The following TMEM150C variants were observed in gnomAD, a reference collection of about 807,000 sequenced individuals.
TMEM150C encodes transmembrane protein 150C, also known as tentonin 3.
A neutral mutation model predicts 29.9 loss-of-function variants in TMEM150C; 10 were observed. The ratio of observed to expected loss-of-function variants is 0.33; its 90% CI spans 0.21 to 0.57. The LOEUF is 0.57. Among genes scored for constraint, TMEM150C ranks in the 20% least tolerant of loss-of-function variants. TMEM150C has a pLI of 0.88. For missense variants in TMEM150C, 251 were observed against 303.6 expected (o/e 0.83, Z 1.29); for synonymous variants, 101 against 112.5 (o/e 0.90, Z 0.64).
Position 82,484,899 on chromosome 4 carries a change from G to T in TMEM150C, c.*612C>A, listed in dbSNP as rs1181938900. 1 of 152,734 alleles carries T rather than the reference G, an allele frequency of 6.5e-6. No homozygotes were observed. The highest frequency in any genetic ancestry group is 1.5e-5 in the Non-Finnish European group (1 of 68,536). 9.5% of individuals were successfully genotyped at this position (152,734 alleles called of 1,614,324 possible). On this transcript the variant is annotated 3_prime_UTR_variant, in exon 8 of 8. Coordinates refer to ENST00000449862, the MANE Select transcript of TMEM150C (RefSeq NM_001080506.3). ...AGTCCAGATCACAGCGGCGGGCTTT[G>T]CTCTCACAGTCTGTGGCATATGTCT...
chr4:82,551,223 A>G (rs1725566573), intron 1 of TMEM150C, among the ~76,000 whole-genome samples: 1 of 152,208 alleles, frequency 6.6e-6, no homozygotes, highest in Admixed American at 6.5e-5. Flanking sequence ...CTTAGAAAAC[A>G]TTCTCCAGCA....
intron 1 of TMEM150C, 138 bp from the exon 2 acceptor site, chr4:82,504,805 C>T (rs568605703): frequency 3.8e-5 from 22 of 579,950 alleles, no homozygotes; most frequent in East Asian, 2.1e-4. Context: ...CCGAGGTGGG[C>T]GGATCACGAG....
chr4:82,526,560 G>T (rs1724657725), intron 1 of TMEM150C, among the ~76,000 whole-genome samples: 1 of 152,112 alleles, frequency 6.6e-6, no homozygotes, highest in Non-Finnish European at 1.5e-5. Context: ...AGCTCTGTAA[G>T]GTGGAGACTA....
chr4:82,514,842 T>A lies in TMEM150C; in HGVS notation c.-10-10175A>T, dbSNP rs182002776. 1.8e-4 allele frequency among the ~76,000 whole-genome samples: 28 copies of A among 152,296 alleles called. No homozygotes were observed. In the East Asian group the frequency reaches 4.0e-3, roughly 22 times the overall value. ...TATGCTGCAGATGGCCTGGTTATCA[T>A]GAGCCCCTTCGCCCCTCACTGATAT... is the stretch of plus-strand genomic sequence containing the variant. On this transcript the variant is annotated intron_variant, in intron 1 of 7. Transcript: ENST00000449862.
intron 1 of TMEM150C, among the ~76,000 whole-genome samples, chr4:82,527,013 C>T (rs1171494329): frequency 6.9e-6 from 1 of 143,966 alleles, no homozygotes; most frequent in Non-Finnish European, 1.5e-5. Flanking sequence ...CCAGATCATA[C>T]TGGGTCTTTT....
chr4:82,504,571 T>C lies in TMEM150C; in HGVS notation c.80+7A>G. 6.2e-7 allele frequency: 1 copy of C among 1,607,688 alleles called. No homozygotes were observed. ...ATCCTTAAATAATTAAATGAGCAAA[T>C]ACTCACACTATCCACAATCCAGCTG... On this transcript the variant is annotated splice_region_variant and intron_variant, in intron 2 of 7. Transcript: ENST00000449862.
At chr4:82,528,867 C>T (rs531839432) in intron 1 of TMEM150C, among the ~76,000 whole-genome samples, 11 of 152,152 alleles carry the variant, frequency 7.2e-5, no homozygotes, top group South Asian at 6.2e-4. Flanking sequence ...GTATCCTTGT[C>T]CTCTTTACCT....
At chr4:82,557,363 T>C (rs1179599251) in intron 1 of TMEM150C, among the ~76,000 whole-genome samples, 1 of 152,184 alleles carries the variant, frequency 6.6e-6, no homozygotes, top group Admixed American at 6.5e-5. Context: ...CAGCTGCTCC[T>C]GGAGCCAGGG....
chr4:82,549,539 G>A (rs1725500843), intron 1 of TMEM150C, among the ~76,000 whole-genome samples: 1 of 152,178 alleles, frequency 6.6e-6, no homozygotes, highest in Admixed American at 6.5e-5. Flanking sequence ...GAGATTGGAT[G>A]TACAGCAATG....
At chr4:82,558,850 G>A (rs986567852) in intron 1 of TMEM150C, among the ~76,000 whole-genome samples, 9 of 151,968 alleles carry the variant, frequency 5.9e-5, no homozygotes, top group African/African-American at 1.9e-4. Context: ...TGACCTGCAC[G>A]TATACATCCA....
intron 2 of TMEM150C, among the ~76,000 whole-genome samples, chr4:82,504,350 T>C (rs369906689): frequency 6.6e-6 from 1 of 152,062 alleles, no homozygotes. Context: ...ATTACAGGCG[T>C]GTGCCATCAC....
At chr4:82,556,245 T>C (rs1725733423) in intron 1 of TMEM150C, among the ~76,000 whole-genome samples, 1 of 152,200 alleles carries the variant, frequency 6.6e-6, no homozygotes, top group Admixed American at 6.5e-5. Context: ...CCCAGAGTGT[T>C]GGGATTACAG....
chr4:82,518,492 T>C (rs1724369971), intron 1 of TMEM150C, among the ~76,000 whole-genome samples: 1 of 152,188 alleles, frequency 6.6e-6, no homozygotes, highest in Admixed American at 6.5e-5. Context: ...GCTGTCCCTT[T>C]ACAGCTTTTT....
chr4:82,492,825 C>A (rs1723406176), intron 6 of TMEM150C, among the ~76,000 whole-genome samples: 1 of 129,014 alleles, frequency 7.8e-6, no homozygotes, highest in Non-Finnish European at 1.6e-5. Flanking sequence ...AAAGTCTATC[C>A]ATATCCACAT....
At chr4:82,490,333 A>G (rs1723296640) in intron 6 of TMEM150C, 95 bp from the exon 7 acceptor site, 1 of 1,080,354 alleles carries the variant, frequency 9.3e-7, no homozygotes, top group Non-Finnish European at 1.4e-6. Flanking sequence ...AAGATAGGAA[A>G]AGAAATATCC....
chr4:82,551,249 C>T (rs990260687), intron 1 of TMEM150C, among the ~76,000 whole-genome samples: 1 of 152,134 alleles, frequency 6.6e-6, no homozygotes, highest in Non-Finnish European at 1.5e-5. Flanking sequence ...AAATTCTTTA[C>T]CATGATTTTT....
At chr4:82,514,334 CTGTTCTACCGTGG>C (rs1440143403) in intron 1 of TMEM150C, among the ~76,000 whole-genome samples, 1 of 152,224 alleles carries the variant, frequency 6.6e-6, no homozygotes, top group Admixed American at 6.5e-5. Flanking sequence ...TTTCTGCTCC[CTGTTCTACCGTGG>C]TATATTGAAT....
intron 1 of TMEM150C, among the ~76,000 whole-genome samples, chr4:82,509,946 C>G (rs943217293): frequency 1.3e-5 from 2 of 152,164 alleles, no homozygotes; most frequent in East Asian, 3.9e-4. Flanking sequence ...ATTACCCATG[C>G]TAATCCTTGA....
At chr4:82,544,071 C>T (rs2110089020) in intron 1 of TMEM150C, among the ~76,000 whole-genome samples, 1 of 152,266 alleles carries the variant, frequency 6.6e-6, no homozygotes, top group African/African-American at 2.4e-5. Flanking sequence ...TATTAACTGC[C>T]CCTCACCGTC....
Sources: allele counts gnomAD v4.1 joint callset (sites outside exome capture counted in the v4.1 genomes callset), GRCh38; gene constraint gnomAD v4.1.1; transcripts MANE v1.5; gene names NCBI Gene and HGNC (gene_info 2026-07-23, HGNC 2026-07-21).